FRMD1: variants seen among roughly 807,000 people sequenced by gnomAD.
FRMD1 encodes the protein FERM domain containing 1, also known as FERM domain-containing protein 1.
In FRMD1, 51 loss-of-function variants were observed where a neutral mutation model predicts 54.9. That is an observed-to-expected ratio of 0.93 (90% CI 0.74 to 1.17). The LOEUF is 1.17. Ranked by LOEUF, FRMD1 falls within the 50% of genes most tolerant of loss-of-function variation. The pLI is 0.00. For synonymous variants in FRMD1, 324 were observed against 306.4 expected (o/e 1.06, Z -0.60); for missense variants, 729 against 743.0 (o/e 0.98, Z 0.22).
rs552660720 is a variant in FRMD1 at position 168,059,145 on chromosome 6, C to G, written c.1386G>C (p.Gln462His). The stretch of plus-strand genomic sequence containing the variant: ...CTACCTGGTGCACGGCCTCGGCGCT[C>G]TGGCCTCTGGTCCTGACCTGGGTGC... ...EPCTQVRTRG[Q>H]SAEAVHQIQE... The change falls in exon 10 of 11, where the codon CAG becomes CAC. Residue 462 changes from glutamine (Q) to histidine (H), a missense_variant. Physicochemically the swap from Gln to His is conservative, Grantham distance 24 (BLOSUM62 0). Transcript: ENST00000283309. The surrounding 1 kb of genome is among the most constrained non-coding windows in gnomAD (Gnocchi z 4.4). 8.2e-6 allele frequency: 13 copies of G among 1,582,954 alleles called. No individual in the cohort carries two copies. Among genetic ancestry groups the G allele is most frequent in the South Asian group, 5.7e-5 (5 of 86,962 alleles).
In FRMD1 at chr6:168,064,942, C is replaced by T. The variant is rs1303802108; in HGVS notation, c.577G>A (p.Asp193Asn). The T allele has an allele frequency of 1.2e-6, 2 of 1,611,090 alleles. No individual in the cohort carries two copies. Among genetic ancestry groups the T allele is most frequent in the Non-Finnish European group, 1.7e-6 (2 of 1,179,312 alleles). The change falls in exon 5 of 11, where the codon GAC becomes AAC. Residue 193 changes from aspartate to asparagine, a missense_variant. Transcript: ENST00000283309. ...GCCGACTCCCGGTGCTCGCCCAGGT[C>T]AGCCTGCAGCGCGCAGGCAGCCAGC... is the stretch of plus-strand genomic sequence containing the variant. The part of the protein sequence containing the change: ...FLLAACALQA[D>N]LGEHRESAHA...
chr6:168,077,021 CA>C (rs1168633803), intron 1 of FRMD1, among the ~76,000 whole-genome samples: 1 of 152,148 alleles, frequency 6.6e-6, no homozygotes, highest in Non-Finnish European at 1.5e-5. Context: ...TGTCCAACTG[CA>C]GACACAGATG....
chr6:168,063,648 C>T lies in FRMD1; in HGVS notation c.757G>A (p.Ala253Thr), dbSNP rs757168450. The change falls in exon 6 of 11, where the codon GCC (alanine) becomes ACC (threonine). Residue 253 changes from alanine to threonine, a missense_variant. Transcript: ENST00000283309. ...ACGGGCACGTCCTCCAGCCGGCAGGCCTCCTGGATGAAGCACAGCATGGCC... is the reference window on the plus strand; with the variant it reads ...ACGGGCACGTCCTCCAGCCGGCAGGTCTCCTGGATGAAGCACAGCATGGCC... ...KEAMLCFIQE[A>T]CRLEDVPVHF... The T allele has an allele frequency of 2.5e-6, 4 of 1,613,724 alleles. No individual in the cohort carries two copies. Among genetic ancestry groups the T allele is most frequent in the Non-Finnish European group, 3.4e-6 (4 of 1,179,842 alleles).
chr6:168,066,733 C>A, intron 4 of FRMD1, 22 bp downstream of exon 4: 1 of 1,605,094 alleles, frequency 6.2e-7, no homozygotes. Flanking sequence ...GGAAACACCC[C>A]TTACAGTCCG....
rs1478297880 is a variant in FRMD1 at position 168,056,422 on chromosome 6, G to A, written c.*675C>T. On this transcript the variant is annotated 3_prime_UTR_variant, in exon 11 of 11. Coordinates refer to ENST00000283309, the MANE Select transcript of FRMD1 (RefSeq NM_024919.6). ...TGAGATGGGAGCAGAGTCGGCTTCAGCTCCGGGGCAGTGGGGTCTTTGGAA... is the reference window on the plus strand; with the variant it reads ...TGAGATGGGAGCAGAGTCGGCTTCAACTCCGGGGCAGTGGGGTCTTTGGAA... 6.6e-6 allele frequency: 1 copy of A among 152,496 alleles called. No individual in the cohort carries two copies. Among genetic ancestry groups the A allele is most frequent in the African/African-American group, 2.4e-5 (1 of 41,452 alleles). 9.4% of individuals were successfully genotyped at this position (152,496 alleles called of 1,614,324 possible).
intron 1 of FRMD1, among the ~76,000 whole-genome samples, chr6:168,092,606 C>T (rs185719731): frequency 1.3e-5 from 2 of 151,456 alleles, no homozygotes; most frequent in African/African-American, 4.9e-5. Context: ...CATGTGAGGA[C>T]ACTGCAAGAA....
At chr6:168,080,165 G>A (rs1164600445), upstream of FRMD1, among the ~76,000 whole-genome samples, 4 of 151,944 alleles carry the variant, frequency 2.6e-5, no homozygotes, top group East Asian at 7.8e-4. Context: ...TGGCCCGGTG[G>A]GTTTAGGAAA....
At chr6:168,071,105 G>C (rs1000577975) in intron 2 of FRMD1, among the ~76,000 whole-genome samples, 7 of 152,202 alleles carry the variant, frequency 4.6e-5, no homozygotes, top group Non-Finnish European at 4.4e-5. Context: ...GGCTGGCCAA[G>C]GGGCTGGACA....
chr6:168,080,269 GCTCC>G (rs560583803), upstream of FRMD1, among the ~76,000 whole-genome samples: 431 of 151,892 alleles, frequency 2.8e-3, no homozygotes, highest in Non-Finnish European at 4.7e-3. Context: ...ACTGACACTG[GCTCC>G]CTCCCTCCCT....
chr6:168,058,863 AC>A (rs1423837734), intron 10 of FRMD1, among the ~76,000 whole-genome samples: 1 of 151,656 alleles, frequency 6.6e-6, no homozygotes, highest in East Asian at 1.9e-4. Flanking sequence ...GGGCCCGGCC[AC>A]CCCAGCCCCA....
chr6:168,091,959 G>A (rs2115034943), intron 1 of FRMD1, among the ~76,000 whole-genome samples: 1 of 152,378 alleles, frequency 6.6e-6, no homozygotes, highest in East Asian at 1.9e-4. Flanking sequence ...CCCACGTTCA[G>A]GTGTCCAGCA....
At chr6:168,083,019 C>T (rs994568778), upstream of FRMD1, among the ~76,000 whole-genome samples, 7 of 152,220 alleles carry the variant, frequency 4.6e-5, no homozygotes, top group African/African-American at 1.7e-4. Context: ...CTCTGAGGAG[C>T]CCCTCACCCG....
At chr6:168,090,230 C>G (rs971512466) in intron 1 of FRMD1, among the ~76,000 whole-genome samples, 1 of 152,190 alleles carries the variant, frequency 6.6e-6, no homozygotes, top group Non-Finnish European at 1.5e-5. Context: ...CTGCCCCCCA[C>G]GCTCTCAGCC....
chr6:168,075,883 ATTTCC>A lies in FRMD1; in HGVS notation c.214-553_214-549del. On this transcript the variant is annotated intron_variant, in intron 1 of 10. Transcript: ENST00000283309. ...CACATTTCCGGTGCCCGGTGTCCAC[ATTTCC>A]GGCGTCCCGTGTCCACATTTCCGGT... is the stretch of plus-strand genomic sequence containing the variant. The A allele has an allele frequency of 8.2e-5, 45 of 545,662 alleles. 9 individuals carry two copies. Among genetic ancestry groups the A allele is most frequent in the Non-Finnish European group, 9.7e-5 (39 of 400,866 alleles). The allele number at this position is 545,662 out of a possible 1,614,324, so 33.8% of individuals were successfully genotyped here. A position where few individuals can be genotyped will look rare whatever the true frequency, so the allele number is the denominator to read the frequency against.
chr6:168,067,106 G>A (rs763607730), intron 3 of FRMD1: 51 of 704,686 alleles, frequency 7.2e-5, no homozygotes, highest in East Asian at 1.3e-4. Context: ...GTCCCCCTGC[G>A]GACAGCCCCT....
chr6:168,060,999 G>T lies in FRMD1; in HGVS notation c.1104C>A (p.Ser368Arg). The change falls in exon 9 of 11, where the codon AGC (serine) becomes AGA (arginine). Residue 368 changes from serine (S) to arginine (R), a missense_variant. By Grantham distance (110) the Ser-to-Arg change is moderately radical (BLOSUM62 -1). Transcript: ENST00000283309. Reference protein sequence around the residue: ...ISDELELDLASRSFPGSGVSS... With the variant: ...ISDELELDLARRSFPGSGVSS... ...TGACCCCACTGCCCGGGAAGCTCCTGCTGGCCAGGTCCAGCTCCAGCTCAT... is the reference window on the plus strand; with the variant it reads ...TGACCCCACTGCCCGGGAAGCTCCTTCTGGCCAGGTCCAGCTCCAGCTCAT... 1 of 1,613,200 alleles carries T rather than the reference G, an allele frequency of 6.2e-7. No homozygotes were observed. Among genetic ancestry groups the T allele is most frequent in the Non-Finnish European group, 8.5e-7 (1 of 1,179,992 alleles).
chr6:168,075,622 G>T, intron 1 of FRMD1: 1 of 844,198 alleles, frequency 1.2e-6, no homozygotes, highest in Non-Finnish European at 1.9e-6. Flanking sequence ...AGGATTTCCC[G>T]AGACCAGTCA....
At chr6:168,058,526 G>C (rs528197395) in intron 10 of FRMD1, among the ~76,000 whole-genome samples, 2 of 152,166 alleles carry the variant, frequency 1.3e-5, no homozygotes, top group South Asian at 4.2e-4. Flanking sequence ...CTGACCAGAG[G>C]GGGCCTCACC....
chr6:168,076,134 C>T (rs1273751016), intron 1 of FRMD1, among the ~76,000 whole-genome samples: 3 of 152,194 alleles, frequency 2.0e-5, no homozygotes, highest in Non-Finnish European at 4.4e-5. Flanking sequence ...CAGGCAGAAT[C>T]GCAGGGCGCC....
Sources: gnomAD v4.1 joint callset for allele counts (sites outside exome capture counted in the v4.1 genomes callset) on GRCh38, gnomAD v4.1.1 for gene constraint, Gnocchi (gnomAD v3.1) non-coding constraint, MANE v1.5 for transcripts, NCBI Gene and HGNC (gene_info 2026-07-23, HGNC 2026-07-21) for gene names.